Variants in IL1RAP observed in about 807,000 individuals in gnomAD.
The protein encoded by IL1RAP is interleukin 1 receptor accessory protein.
IL1RAP carries 35 observed loss-of-function variants against 60.7 expected under a neutral mutation model. The observed-to-expected ratio is 0.58, with a 90% confidence interval of 0.44 to 0.76. The LOEUF (loss-of-function observed/expected upper bound fraction) is 0.76. Ranked by LOEUF, IL1RAP falls within the 30% of genes least tolerant of loss-of-function variation. The pLI, the probability that IL1RAP is intolerant of heterozygous loss-of-function variation, is 0.00. For missense variants in IL1RAP, 572 were observed against 693.9 expected (o/e 0.82, Z 1.97); for synonymous variants, 268 against 250.9 (o/e 1.07, Z -0.64).
intron 3 of IL1RAP, among the ~76,000 whole-genome samples, chr3:190,572,258 T>C (rs1726992372): frequency 6.6e-6 from 1 of 152,216 alleles, no homozygotes; most frequent in African/African-American, 2.4e-5. Context: ...ATATTTTCAA[T>C]GTTTTTTGAA....
chr3:190,585,075 G>T (rs1005248555), intron 3 of IL1RAP, among the ~76,000 whole-genome samples: 1 of 152,158 alleles, frequency 6.6e-6, no homozygotes, highest in South Asian at 2.1e-4. Flanking sequence ...ACTCATTGAG[G>T]TTTCTGGTTA....
chr3:190,537,950 G>A (rs1190650698), intron 1 of IL1RAP, among the ~76,000 whole-genome samples: 4 of 151,632 alleles, frequency 2.6e-5, no homozygotes, highest in Admixed American at 6.6e-5. Context: ...TTTCTGTTTT[G>A]AGAACTTTAC....
chr3:190,656,583 T>C (rs2108876446), exon 12 of IL1RAP: 5 of 1,528,660 alleles, frequency 3.3e-6, no homozygotes, highest in Non-Finnish European at 4.4e-6. Context: ...ACTTATCCAA[T>C]AACAACGACT....
chr3:190,549,475 C>T (rs1350585503), intron 1 of IL1RAP, among the ~76,000 whole-genome samples: 1 of 152,124 alleles, frequency 6.6e-6, no homozygotes, highest in Non-Finnish European at 1.5e-5. Context: ...GCAGAAGGGG[C>T]CATCATCCAA....
intron 1 of IL1RAP, among the ~76,000 whole-genome samples, chr3:190,525,979 G>C (rs928897997): frequency 3.3e-5 from 5 of 152,124 alleles, no homozygotes; most frequent in Non-Finnish European, 7.4e-5. Flanking sequence ...GAGTAAGCAT[G>C]TGAAAGGCAA....
intron 3 of IL1RAP, among the ~76,000 whole-genome samples, chr3:190,572,480 A>G (rs1727010228): frequency 6.6e-6 from 1 of 152,166 alleles, no homozygotes; most frequent in African/African-American, 2.4e-5. Context: ...AAAGAGAGAT[A>G]GTAGGAAAAA....
intron 1 of IL1RAP, among the ~76,000 whole-genome samples, chr3:190,540,554 T>A (rs1723842553): frequency 6.6e-6 from 1 of 152,038 alleles, no homozygotes; most frequent in East Asian, 1.9e-4. Context: ...TTTTTCCTCC[T>A]AAGAAGTTCA....
intron 1 of IL1RAP, among the ~76,000 whole-genome samples, chr3:190,529,557 C>T (rs763433979): frequency 7.9e-5 from 12 of 151,896 alleles, no homozygotes; most frequent in African/African-American, 1.5e-4. Context: ...TGGTGACGCA[C>T]GCCTGTACTC....
Position 190,623,402 on chromosome 3 carries a change from T to C in IL1RAP, c.762T>C (p.Tyr254=). The stretch of plus-strand genomic sequence containing the variant: ...ATTCACCTAATGATCATGTGGTCTA[T>C]GAGAAAGAACCAGGTAATTACAGCT... ...VIHSPNDHVV[Y]EKEPGEELLI... is the part of the protein sequence containing the mutation. Residue 254 remains tyrosine (Y), a synonymous_variant, in exon 7 of 12, where the codon TAT becomes TAC. Transcript: ENST00000447382. 6.2e-7 allele frequency: 1 copy of C among 1,611,648 alleles called. No homozygotes were observed. The highest frequency in any genetic ancestry group is 8.5e-7 in the Non-Finnish European group (1 of 1,177,786).
intron 3 of IL1RAP, among the ~76,000 whole-genome samples, chr3:190,591,670 C>T (rs1325917131): frequency 6.6e-6 from 1 of 151,966 alleles, no homozygotes; most frequent in Non-Finnish European, 1.5e-5. Flanking sequence ...TCTTCATAGC[C>T]CCTAGCACTC....
chr3:190,594,934 C>T (rs1205095911), intron 3 of IL1RAP, among the ~76,000 whole-genome samples: 1 of 152,148 alleles, frequency 6.6e-6, no homozygotes, highest in African/African-American at 2.4e-5. Context: ...AACTGAGGTT[C>T]AAAATGGTTG....
intron 6 of IL1RAP, among the ~76,000 whole-genome samples, chr3:190,622,759 C>A (rs1486738230): frequency 1.3e-5 from 2 of 152,132 alleles, no homozygotes; most frequent in Admixed American, 6.5e-5. Flanking sequence ...TCCTTACCAA[C>A]CTAGAAGCTC....
rs142635050 is a variant in IL1RAP at position 190,595,176 on chromosome 3, T to C, written c.65-8952T>C. Among the ~76,000 whole-genome samples the C allele has an allele frequency of 2.9e-3, 449 of 152,346 alleles. 2 individuals carry two copies. The highest frequency in any genetic ancestry group is 0.01 in the African/African-American group (433 of 41,588). On this transcript the variant is annotated intron_variant, in intron 3 of 11. Transcript: ENST00000447382. Reference sequence around the variant, plus strand: ...TAGAAGGTGAGCTCCGTGAGACCTTTGTTTTGTTTGCCAGTGCATCCCAAG... The same window carrying C: ...TAGAAGGTGAGCTCCGTGAGACCTTCGTTTTGTTTGCCAGTGCATCCCAAG...
At chr3:190,581,846 C>G (rs1477707630) in intron 3 of IL1RAP, among the ~76,000 whole-genome samples, 1 of 152,086 alleles carries the variant, frequency 6.6e-6, no homozygotes, top group East Asian at 1.9e-4. Context: ...CAAATAGTCC[C>G]TGTTCCTTTC....
intron 1 of IL1RAP, among the ~76,000 whole-genome samples, chr3:190,528,309 C>T (rs986807526): frequency 2.6e-5 from 4 of 152,196 alleles, no homozygotes; most frequent in African/African-American, 9.7e-5. Context: ...ATACAATTAA[C>T]AGTTTCTACT....
At chr3:190,655,886 T>C (rs1363120996), downstream of IL1RAP, 3 of 1,532,218 alleles carry the variant, frequency 2.0e-6, no homozygotes, top group African/African-American at 2.7e-5. Flanking sequence ...CATTTTCCTA[T>C]AGATACAGTG....
intron 3 of IL1RAP, among the ~76,000 whole-genome samples, chr3:190,600,949 T>C (rs1729803480): frequency 6.6e-6 from 1 of 152,194 alleles, no homozygotes; most frequent in African/African-American, 2.4e-5. Context: ...CTCTTGCAGT[T>C]ACTTGGGATT....
At chr3:190,583,588 C>T (rs1053758994) in intron 3 of IL1RAP, among the ~76,000 whole-genome samples, 1 of 152,178 alleles carries the variant, frequency 6.6e-6, no homozygotes, top group African/African-American at 2.4e-5. Flanking sequence ...AAATTAGCCT[C>T]AAATAACAGT....
intron 3 of IL1RAP, among the ~76,000 whole-genome samples, chr3:190,592,809 C>A (rs139212845): frequency 6.6e-6 from 1 of 152,028 alleles, no homozygotes; most frequent in South Asian, 2.1e-4. Flanking sequence ...TGTTTTCATC[C>A]GTCAGGGTTC....
Sources: allele counts gnomAD v4.1 joint callset (sites outside exome capture counted in the v4.1 genomes callset), GRCh38; gene constraint gnomAD v4.1.1; transcripts MANE v1.5; gene names NCBI Gene and HGNC (gene_info 2026-07-23, HGNC 2026-07-21).